ANKIB1: variants seen among roughly 807,000 people sequenced by gnomAD.
The protein encoded by ANKIB1 is ankyrin repeat and IBR domain-containing protein 1.
Under a neutral mutation model 122.1 loss-of-function variants are expected in ANKIB1, and 43 were observed. That is an observed-to-expected ratio of 0.35 (90% CI 0.28 to 0.45). ANKIB1 has a LOEUF of 0.45. ANKIB1 is among the 20% of genes least tolerant of loss of function. The probability of loss-of-function intolerance (pLI) is 1.00; values close to 1 mark genes in which losing one functional copy is unlikely to be tolerated. For missense variants in ANKIB1, 992 were observed against 1,329.5 expected (o/e 0.75, Z 3.95); for synonymous variants, 390 against 442.0 (o/e 0.88, Z 1.48).
intron 1 of ANKIB1, among the ~76,000 whole-genome samples, chr7:92,289,559 G>A (rs186330856): frequency 2.0e-4 from 30 of 152,258 alleles, no homozygotes; most frequent in African/African-American, 5.1e-4. Context: ...AAATTAGTCC[G>A]TGGTTCTAAA....
intron 4 of ANKIB1, among the ~76,000 whole-genome samples, chr7:92,326,417 A>G (rs777587284): frequency 1.2e-4 from 19 of 152,172 alleles, no homozygotes; most frequent in Non-Finnish European, 2.2e-4. Context: ...TATTTGGTTC[A>G]ACGTAAATGA....
chr7:92,355,779 G>A (rs951373925), intron 9 of ANKIB1, among the ~76,000 whole-genome samples: 6 of 151,518 alleles, frequency 4.0e-5, no homozygotes, highest in Non-Finnish European at 8.8e-5. Flanking sequence ...AACCTGGGAG[G>A]CAGAAGTTGC....
At chr7:92,266,330 T>C (rs1562765032) in intron 1 of ANKIB1, among the ~76,000 whole-genome samples, 1 of 152,080 alleles carries the variant, frequency 6.6e-6, no homozygotes, top group South Asian at 2.1e-4. Flanking sequence ...TAAAGAATTA[T>C]TTACTATAAC....
intron 4 of ANKIB1, chr7:92,320,103 A>G (rs998291923): frequency 2.6e-5 from 4 of 152,200 alleles, no homozygotes; most frequent in African/African-American, 9.7e-5. Flanking sequence ...CATCAGTCTC[A>G]CCTTCTCTTT....
chr7:92,367,738 A>G (rs10953070), intron 10 of ANKIB1, among the ~76,000 whole-genome samples: 14,559 of 152,284 alleles, frequency 0.096, 908 homozygotes, highest in East Asian at 0.36. Flanking sequence ...TGTTGTGTCT[A>G]ATTAGAGCAA....
chr7:92,292,880 G>A lies in ANKIB1; in HGVS notation c.-90-2009G>A, dbSNP rs117901457. ...ACCAGTGGTTTTCTTGCAGTAAACCGTGAGGTAAACCATGAGCTTTTAAAT... is the reference window on the plus strand; with the variant it reads ...ACCAGTGGTTTTCTTGCAGTAAACCATGAGGTAAACCATGAGCTTTTAAAT... On this transcript the variant is annotated intron_variant, in intron 1 of 19. Transcript: ENST00000265742. Among the ~76,000 whole-genome samples, 807 of 152,254 alleles carry A rather than the reference G, an allele frequency of 5.3e-3. 18 individuals carry two copies. Among genetic ancestry groups the A allele is most frequent in the Non-Finnish European group, 6.6e-3 (452 of 68,010 alleles).
At chr7:92,316,586 G>C (rs923464184) in intron 3 of ANKIB1, among the ~76,000 whole-genome samples, 2 of 152,304 alleles carry the variant, frequency 1.3e-5, no homozygotes, top group East Asian at 3.9e-4. Context: ...TGAGATACAG[G>C]TCTTTATGGT....
intron 7 of ANKIB1, among the ~76,000 whole-genome samples, chr7:92,349,525 A>G (rs147695957): frequency 2.6e-5 from 4 of 152,330 alleles, no homozygotes; most frequent in African/African-American, 9.6e-5. Context: ...CAAAATGTTG[A>G]TGGTGAGGAC....
chr7:92,353,748 C>T lies in ANKIB1; in HGVS notation c.1397+1106C>T, dbSNP rs565294902. 7.2e-5 allele frequency among the ~76,000 whole-genome samples: 11 copies of T among 152,278 alleles called. No individual in the cohort carries two copies. The South Asian group carries it at 2.3e-3, about 32-fold the overall frequency. ...TGTCTATACTTATTATTAAACATAA[C>T]ATTTTGCTGGAACACAGCCACACCA... On this transcript the variant is annotated intron_variant, in intron 9 of 19. Transcript: ENST00000265742.
chr7:92,292,028 C>T (rs896827337), intron 1 of ANKIB1, among the ~76,000 whole-genome samples: 4 of 151,308 alleles, frequency 2.6e-5, no homozygotes, highest in African/African-American at 9.9e-5. Flanking sequence ...GTACTTGCCT[C>T]ATGAAGCTCT....
chr7:92,264,510 G>A (rs1387954325), intron 1 of ANKIB1, among the ~76,000 whole-genome samples: 1 of 151,918 alleles, frequency 6.6e-6, no homozygotes, highest in Non-Finnish European at 1.5e-5. Flanking sequence ...CAATTCTTGT[G>A]CCTCAGCCTC....
chr7:92,287,645 A>G (rs1802159277), intron 1 of ANKIB1, among the ~76,000 whole-genome samples: 2 of 152,128 alleles, frequency 1.3e-5, no homozygotes, highest in Admixed American at 6.5e-5. Context: ...CCATGCAAAT[A>G]TCATGTTTCT....
chr7:92,365,616 A>G (rs1235602942), intron 10 of ANKIB1, among the ~76,000 whole-genome samples: 1 of 151,906 alleles, frequency 6.6e-6, no homozygotes, highest in Non-Finnish European at 1.5e-5. Flanking sequence ...ACTTACAAAG[A>G]TCACTCAGGC....
chr7:92,393,850 A>T (rs879275002), intron 17 of ANKIB1, among the ~76,000 whole-genome samples: 6 of 152,194 alleles, frequency 3.9e-5, no homozygotes, highest in Non-Finnish European at 7.4e-5. Flanking sequence ...GTGTATGACT[A>T]TCGAGTAACT....
At position 92,331,363 on chromosome 7, in the gene ANKIB1, G is replaced by A. The variant is rs186687009; in HGVS notation, c.787+3463G>A. 5.5e-4 allele frequency among the ~76,000 whole-genome samples: 84 copies of A among 151,814 alleles called. 1 individual carries two copies. The highest frequency in any genetic ancestry group is 2.5e-3 in the East Asian group (13 of 5,160). The stretch of plus-strand genomic sequence containing the variant: ...GCTTACTGCAACCTCTGCCTCCTGG[G>A]TTCAAGCGATTCTCTTGCCTCAGCC... On this transcript the variant is annotated intron_variant, in intron 5 of 19. Transcript: ENST00000265742.
intron 4 of ANKIB1, among the ~76,000 whole-genome samples, chr7:92,321,891 C>T (rs932610241): frequency 2.0e-5 from 3 of 152,188 alleles, no homozygotes; most frequent in African/African-American, 7.2e-5. Context: ...GGCCTATGCC[C>T]TAAGCGTTTT....
intron 4 of ANKIB1, among the ~76,000 whole-genome samples, chr7:92,326,626 T>C (rs1047541445): frequency 6.6e-6 from 1 of 152,208 alleles, no homozygotes; most frequent in Non-Finnish European, 1.5e-5. Context: ...GTAGTACTAA[T>C]TTAACCATTA....
At chr7:92,344,192 G>GTTTTTTTTTT (rs1803488879) in intron 6 of ANKIB1, among the ~76,000 whole-genome samples, 1 of 115,294 alleles carries the variant, frequency 8.7e-6, no homozygotes, top group African/African-American at 3.4e-5. Flanking sequence ...TTGTGTTTTT[G>GTTTTTTTTTT]GTTTTTTTTT....
intron 3 of ANKIB1, among the ~76,000 whole-genome samples, chr7:92,309,194 ATTAG>A (rs1198070323): frequency 1.3e-5 from 2 of 152,290 alleles, no homozygotes; most frequent in South Asian, 2.1e-4. Flanking sequence ...ACCTTTACCC[ATTAG>A]TTAGTTAGTG....
Sources: allele counts gnomAD v4.1 joint callset (sites outside exome capture counted in the v4.1 genomes callset), GRCh38; gene constraint gnomAD v4.1.1; transcripts MANE v1.5; gene names NCBI Gene and HGNC (gene_info 2026-07-23, HGNC 2026-07-21).